The following KLHL24 variants were observed in gnomAD, a reference collection of about 807,000 sequenced individuals.
KLHL24 encodes kelch like family member 24.
In KLHL24, 29 loss-of-function variants were observed where a neutral mutation model predicts 53.4. The observed-to-expected ratio is 0.54, with a 90% CI of 0.40 to 0.74. The LOEUF (loss-of-function observed/expected upper bound fraction) is 0.74, where lower values mean the gene tolerates loss of function less well. Ranked by LOEUF, KLHL24 falls within the 30% of genes least tolerant of loss-of-function variation. KLHL24 has a pLI of 0.00. For missense variants in KLHL24, 504 were observed against 744.0 expected (o/e 0.68, Z 3.75); for synonymous variants, 222 against 253.7 (o/e 0.88, Z 1.19).
At chr3:183,677,824 T>C (rs1712158137) in intron 7 of KLHL24, among the ~76,000 whole-genome samples, 1 of 151,940 alleles carries the variant, frequency 6.6e-6, no homozygotes, top group Non-Finnish European at 1.5e-5. Flanking sequence ...GGAGTTTCGC[T>C]CTTATCACCC....
At chr3:183,636,972 C>T (rs367962990) in intron 1 of KLHL24, among the ~76,000 whole-genome samples, 4 of 152,176 alleles carry the variant, frequency 2.6e-5, no homozygotes, top group Non-Finnish European at 5.9e-5. Flanking sequence ...AAATTAACAC[C>T]CTTTAACTAG....
intron 5 of KLHL24, among the ~76,000 whole-genome samples, chr3:183,669,879 G>A (rs1040352986): frequency 1.3e-5 from 2 of 152,180 alleles, no homozygotes; most frequent in African/African-American, 4.8e-5. Flanking sequence ...GAAAGATGCT[G>A]TGGAAGAAGA....
Position 183,650,363 on chromosome 3 carries a change from C to T in KLHL24, c.7C>T (p.Leu3=), listed in dbSNP as rs540351845. MV[L]ILGRRLNRED... is the part of the protein sequence containing the mutation. ...ATAGTCAACTGATGTAACAATGGTA[C>T]TAATATTGGGACGCAGACTAAACAG... The change falls in exon 3 of 8, where the codon CTA becomes TTA. Residue 3 remains leucine, a synonymous_variant. Transcript: ENST00000242810. The surrounding 1 kb of genome is among the most constrained non-coding windows in gnomAD (Gnocchi z 4.5). 368 of 1,611,196 alleles carry T rather than the reference C, an allele frequency of 2.3e-4. 3 individuals are homozygous for T. In the South Asian group the frequency reaches 3.9e-3, roughly 17 times the overall value.
At chr3:183,677,521 G>T (rs554888309) in intron 7 of KLHL24, among the ~76,000 whole-genome samples, 1 of 152,200 alleles carries the variant, frequency 6.6e-6, no homozygotes, top group East Asian at 1.9e-4. Context: ...CCTAAAGATA[G>T]TATCCTTCTA....
intron 7 of KLHL24, 144 bp from the exon 8 acceptor site, chr3:183,678,938 CAGAG>C (rs1712373930): frequency 3.1e-6 from 2 of 636,166 alleles, no homozygotes; most frequent in Non-Finnish European, 5.6e-6. Flanking sequence ...ACACAGAACA[CAGAG>C]AGCAGAGTTG....
intron 7 of KLHL24, among the ~76,000 whole-genome samples, chr3:183,675,916 G>A (rs1711765907): frequency 6.6e-6 from 1 of 152,020 alleles, no homozygotes; most frequent in Admixed American, 6.6e-5. Context: ...TTTTTAACTA[G>A]GTTATTGAGA....
chr3:183,647,719 A>G (rs1325878010), intron 2 of KLHL24, among the ~76,000 whole-genome samples: 3 of 151,954 alleles, frequency 2.0e-5, no homozygotes. Flanking sequence ...ACAAAACATA[A>G]CAGGCTGAGC....
rs1348106571 is a variant in KLHL24, at chr3:183,681,047, CTT to C, written c.*1762_*1763del. The C allele has an allele frequency of 6.6e-6, 1 of 152,080 alleles. No individual in the cohort carries two copies. Among genetic ancestry groups the C allele is most frequent in the Non-Finnish European group, 1.5e-5 (1 of 67,956 alleles). The allele number at this position is 152,080 out of a possible 1,614,324, so 9.4% of individuals were successfully genotyped here. ...ACATTCTGAGGAAAACTCTAAAAAACTTAAAAATTTTTAGGGAATTTTTATTT... is the reference window on the plus strand; with the variant it reads ...ACATTCTGAGGAAAACTCTAAAAAACAAAAATTTTTAGGGAATTTTTATTT... On this transcript the variant is annotated 3_prime_UTR_variant, in exon 8 of 8. Coordinates refer to ENST00000242810, the MANE Select transcript of KLHL24 (RefSeq NM_017644.3).
intron 3 of KLHL24, among the ~76,000 whole-genome samples, chr3:183,653,745 C>T (rs1248282946): frequency 6.6e-6 from 1 of 152,136 alleles, no homozygotes; most frequent in Admixed American, 6.6e-5. Context: ...TTGTTTTTCT[C>T]ATACTTGCTT....
chr3:183,652,023 T>C (rs191499325), intron 3 of KLHL24, among the ~76,000 whole-genome samples: 8 of 151,928 alleles, frequency 5.3e-5, no homozygotes, highest in African/African-American at 1.9e-4. Context: ...AATATAGAGG[T>C]GAATTAAATA....
intron 3 of KLHL24, among the ~76,000 whole-genome samples, chr3:183,660,281 C>T (rs1171669361): frequency 1.3e-5 from 2 of 152,012 alleles, no homozygotes; most frequent in South Asian, 2.1e-4. Flanking sequence ...TATAGGCACG[C>T]CACCATGCCT....
chr3:183,671,296 G>A, intron 6 of KLHL24, 74 bp downstream of exon 6: 1 of 1,354,358 alleles, frequency 7.4e-7, no homozygotes. Context: ...TATCAAGTAG[G>A]TAGCCAGGTC....
At chr3:183,639,562 G>A (rs1459618858) in intron 1 of KLHL24, among the ~76,000 whole-genome samples, 5 of 150,492 alleles carry the variant, frequency 3.3e-5, no homozygotes, top group African/African-American at 1.2e-4. Flanking sequence ...CCCAGGAGGC[G>A]GAGCTTGCAG....
intron 1 of KLHL24, among the ~76,000 whole-genome samples, chr3:183,639,198 C>T (rs1010446160): frequency 4.0e-5 from 6 of 150,830 alleles, no homozygotes; most frequent in African/African-American, 1.5e-4. Context: ...AAAACTCCGT[C>T]TCAAAAAAAA....
chr3:183,653,538 A>G (rs1000372815), intron 3 of KLHL24, among the ~76,000 whole-genome samples: 2 of 152,236 alleles, frequency 1.3e-5, no homozygotes, highest in African/African-American at 2.4e-5. Flanking sequence ...GCAGAAGCAG[A>G]ACAAAGGCAG....
intron 3 of KLHL24, among the ~76,000 whole-genome samples, chr3:183,656,043 T>C (rs1409072647): frequency 7.8e-6 from 1 of 128,928 alleles, no homozygotes; most frequent in African/African-American, 3.0e-5. Context: ...GCATCTTTTT[T>C]TTTTTTTTTT....
chr3:183,670,239 T>C (rs1721149756), intron 5 of KLHL24, among the ~76,000 whole-genome samples: 2 of 152,116 alleles, frequency 1.3e-5, no homozygotes, highest in African/African-American at 4.8e-5. Context: ...CACTCCAGCC[T>C]GAGCAACAGA....
chr3:183,674,755 A>G (rs1711552101), intron 7 of KLHL24, among the ~76,000 whole-genome samples: 2 of 152,174 alleles, frequency 1.3e-5, no homozygotes, highest in Admixed American at 1.3e-4. Context: ...TAGACCTTCT[A>G]TTGCCTGACC....
chr3:183,676,618 CTGTT>C (rs1487041542), intron 7 of KLHL24, among the ~76,000 whole-genome samples: 1 of 152,146 alleles, frequency 6.6e-6, no homozygotes, highest in African/African-American at 2.4e-5. Flanking sequence ...GCCTATTTCT[CTGTT>C]TGTCCTTCAC....
Sources: gnomAD v4.1 joint callset for allele counts (sites outside exome capture counted in the v4.1 genomes callset) on GRCh38, gnomAD v4.1.1 for gene constraint, Gnocchi (gnomAD v3.1) non-coding constraint, MANE v1.5 for transcripts, NCBI Gene and HGNC (gene_info 2026-07-23, HGNC 2026-07-21) for gene names.